ARHGAP8: variants seen among roughly 807,000 people sequenced by gnomAD.
ARHGAP8 encodes the protein rho GTPase-activating protein 8.
ARHGAP8 carries 62 observed loss-of-function variants against 46.1 expected under a neutral mutation model. The observed-to-expected ratio is 1.34, with a 90% confidence interval of 1.10 to 1.66. The LOEUF (loss-of-function observed/expected upper bound fraction) is 1.66. ARHGAP8 is among the 40% of genes most tolerant of loss of function. ARHGAP8 has a pLI of 0.00. For synonymous variants in ARHGAP8, 375 were observed against 243.1 expected (o/e 1.54, Z -5.05); for missense variants, 923 against 568.4 (o/e 1.62, Z -6.34).
intron 1 of ARHGAP8, among the ~76,000 whole-genome samples, chr22:44,760,622 C>A (rs1418828016): frequency 3.9e-5 from 6 of 152,106 alleles, no homozygotes; most frequent in African/African-American, 1.2e-4. Context: ...GCTAATTTGC[C>A]CGAGGTAAGT....
intron 1 of ARHGAP8, among the ~76,000 whole-genome samples, chr22:44,764,794 A>G (rs1230221637): frequency 6.6e-6 from 1 of 152,204 alleles, no homozygotes; most frequent in Admixed American, 6.5e-5. Flanking sequence ...CAACAGAATC[A>G]ATAGCAGTTA....
chr22:44,794,487 G>A (rs1370259557), intron 2 of ARHGAP8, among the ~76,000 whole-genome samples: 2 of 152,072 alleles, frequency 1.3e-5, no homozygotes, highest in South Asian at 2.1e-4. Context: ...GAGGCAGGCA[G>A]ATCATGAAGT....
chr22:44,815,649 G>A (rs989463386), intron 5 of ARHGAP8, among the ~76,000 whole-genome samples: 19 of 152,242 alleles, frequency 1.2e-4, no homozygotes, highest in African/African-American at 3.1e-4. Flanking sequence ...GCCACAGCCC[G>A]GAAATGTGGC....
chr22:44,860,620 G>A (rs1317006462), intron 11 of ARHGAP8, among the ~76,000 whole-genome samples: 1 of 119,284 alleles, frequency 8.4e-6, no homozygotes, highest in Non-Finnish European at 1.7e-5. Flanking sequence ...ATCTTAGAGG[G>A]GCCACCATTC....
intron 7 of ARHGAP8, among the ~76,000 whole-genome samples, chr22:44,831,124 C>T (rs1015828213): frequency 3.9e-5 from 6 of 152,178 alleles, no homozygotes; most frequent in Middle Eastern, 3.2e-3. Flanking sequence ...GTTGTCTTTA[C>T]ACCTTTTGAT....
intron 6 of ARHGAP8, 151 bp from the exon 7 acceptor site, chr22:44,825,332 A>AGT (rs1023410397): frequency 1.3e-5 from 9 of 695,666 alleles, no homozygotes; most frequent in African/African-American, 3.6e-5. Flanking sequence ...TGTGTATGTG[A>AGT]GTGTGTGTGT....
At chr22:44,782,072 C>G (rs1034682062) in intron 1 of ARHGAP8, among the ~76,000 whole-genome samples, 1 of 152,106 alleles carries the variant, frequency 6.6e-6, no homozygotes, top group East Asian at 1.9e-4. Flanking sequence ...TGGTGGCTCA[C>G]GCCTATAATC....
At chr22:44,805,517 T>C (rs766996615) in intron 3 of ARHGAP8, among the ~76,000 whole-genome samples, 5 of 152,242 alleles carry the variant, frequency 3.3e-5, no homozygotes, top group Non-Finnish European at 1.5e-5. Context: ...TGTGCTCTTT[T>C]ATGTGCTTAT....
rs200357089 is a variant in ARHGAP8 at position 44,862,220 on chromosome 22, GGTGCCC to G, written c.982-48_982-43del. 3,424 of 1,534,432 alleles carry G rather than the reference GGTGCCC, an allele frequency of 2.2e-3. 85 individuals are homozygous for G. In the African/African-American group the frequency reaches 0.042, roughly 19 times the overall value. Reference sequence around the variant, plus strand: ...TCCCTAAGTTCGGGAGGGAGTTCCAGGTGCCCGTGCCCCTTGGTGTTCACTCCCCTT... The same window carrying G: ...TCCCTAAGTTCGGGAGGGAGTTCCAGGTGCCCCTTGGTGTTCACTCCCCTT... On this transcript the variant is annotated intron_variant, in intron 11 of 11. Transcript: ENST00000356099.
At chr22:44,858,369 G>GTGTTC (rs1555922584) in intron 10 of ARHGAP8, among the ~76,000 whole-genome samples, 1 of 142,018 alleles carries the variant, frequency 7.0e-6, no homozygotes, top group Non-Finnish European at 1.5e-5. Flanking sequence ...GTTGGTGGTG[G>GTGTTC]TTTTTTTTTT....
intron 8 of ARHGAP8, among the ~76,000 whole-genome samples, chr22:44,845,700 G>C (rs1602257189): frequency 6.6e-6 from 1 of 152,166 alleles, no homozygotes; most frequent in African/African-American, 2.4e-5. Flanking sequence ...AAGCCCTCTC[G>C]AAATGGGGAC....
chr22:44,856,254 CTTTTTTTTTTTTTTTTTTTTTTTTTT>C (rs557242169), intron 10 of ARHGAP8, among the ~76,000 whole-genome samples: 11 of 86,882 alleles, frequency 1.3e-4, no homozygotes, highest in Admixed American at 6.5e-4. Context: ...TATAAATTCC[CTTTTTTTTTTTTTTTTTTTTTTTTTT>C]TTTTTTTTTG....
intron 7 of ARHGAP8, among the ~76,000 whole-genome samples, chr22:44,840,052 C>G (rs1380136991): frequency 6.6e-6 from 1 of 152,192 alleles, no homozygotes; most frequent in African/African-American, 2.4e-5. Flanking sequence ...GGTAGCTGTG[C>G]TTCTTCCAGG....
intron 7 of ARHGAP8, among the ~76,000 whole-genome samples, chr22:44,840,707 C>T (rs927848062): frequency 1.3e-5 from 2 of 152,168 alleles, no homozygotes; most frequent in African/African-American, 4.8e-5. Context: ...TTTGTCAGTG[C>T]CGTTGGCTCA....
chr22:44,832,631 T>C (rs1931023874), intron 7 of ARHGAP8, among the ~76,000 whole-genome samples: 1 of 152,218 alleles, frequency 6.6e-6, no homozygotes, highest in Admixed American at 6.5e-5. Context: ...TGAACTTGTT[T>C]ATTAGTTCTA....
chr22:44,768,745 GGTATGA>G, intron 1 of ARHGAP8, among the ~76,000 whole-genome samples: 1 of 152,194 alleles, frequency 6.6e-6, no homozygotes, highest in South Asian at 2.1e-4. Context: ...GTTGCAGGAA[GGTATGA>G]CATCAGGTCG....
At chr22:44,753,126 G>A (rs1924379261) in intron 1 of ARHGAP8, among the ~76,000 whole-genome samples, 1 of 152,096 alleles carries the variant, frequency 6.6e-6, no homozygotes, top group Non-Finnish European at 1.5e-5. Flanking sequence ...TGAGAAAACG[G>A]AGGCCGGGGC....
chr22:44,757,994 G>C (rs149035802), intron 1 of ARHGAP8, among the ~76,000 whole-genome samples: 171 of 152,204 alleles, frequency 1.1e-3, no homozygotes, highest in Admixed American at 1.8e-3. Flanking sequence ...CTCCACCTCA[G>C]AGGTACAGAG....
chr22:44,755,752 AC>A (rs1445770737), intron 1 of ARHGAP8, among the ~76,000 whole-genome samples: 2 of 152,178 alleles, frequency 1.3e-5, no homozygotes, highest in Non-Finnish European at 2.9e-5. Flanking sequence ...GGTGTCATAA[AC>A]CATCGGTTTG....
Sources: gnomAD v4.1 joint callset for allele counts (sites outside exome capture counted in the v4.1 genomes callset) on GRCh38, gnomAD v4.1.1 for gene constraint, MANE v1.5 for transcripts, NCBI Gene and HGNC (gene_info 2026-07-23, HGNC 2026-07-21) for gene names.